CAMK4: variants seen among roughly 807,000 people sequenced by gnomAD.
The protein encoded by CAMK4 is calcium/calmodulin-dependent protein kinase type IV.
Under a neutral mutation model 44.9 loss-of-function variants are expected in CAMK4, and 22 were observed. That is an observed-to-expected ratio of 0.49 (90% CI 0.35 to 0.70). CAMK4 has a LOEUF of 0.70. Ranked by LOEUF, CAMK4 falls within the 30% of genes least tolerant of loss-of-function variation. CAMK4 has a pLI of 0.01. For synonymous variants in CAMK4, 218 were observed against 215.4 expected (o/e 1.01, Z -0.11); for missense variants, 498 against 586.8 (o/e 0.85, Z 1.56).
rs143956669 is a variant in CAMK4 at position 111,229,349 on chromosome 5, C to G, written c.161+4705C>G. 4.1e-3 allele frequency among the ~76,000 whole-genome samples: 617 copies of G among 152,258 alleles called. 2 individuals carry two copies. The highest frequency in any genetic ancestry group is 0.014 in the African/African-American group (597 of 41,548). On this transcript the variant is annotated intron_variant, in intron 1 of 10. Transcript: ENST00000282356. ...AAGAGAGGGGAAGAGAGAAAGAAAC[C>G]AAGCTCTCTGGTGCCTCTTCTTACA...
Position 111,299,794 on chromosome 5 carries a change from T to C in CAMK4, c.162-44230T>C, listed in dbSNP as rs370721753. Among the ~76,000 whole-genome samples the C allele has an allele frequency of 3.9e-5, 6 of 152,218 alleles. No individual in the cohort carries two copies. In the South Asian group the frequency reaches 1.2e-3, roughly 31 times the overall value. ...CAGGAAAATCTGGAGACAAGTGACA[T>C]CTGCAAGTTGATTTCCTCCCATTTC... On this transcript the variant is annotated intron_variant, in intron 1 of 10. Coordinates refer to ENST00000282356, the MANE Select transcript of CAMK4 (RefSeq NM_001744.6).
At chr5:111,315,074 C>T (rs1025456491) in intron 1 of CAMK4, among the ~76,000 whole-genome samples, 1 of 152,064 alleles carries the variant, frequency 6.6e-6, no homozygotes, top group African/African-American at 2.4e-5. Context: ...TGTTACCTTG[C>T]TTATTGCCGA....
intron 4 of CAMK4, among the ~76,000 whole-genome samples, chr5:111,380,236 T>C (rs773187189): frequency 5.9e-5 from 9 of 152,168 alleles, no homozygotes; most frequent in Non-Finnish European, 1.2e-4. Flanking sequence ...TTTTTCTTGA[T>C]TTTTGTCAGA....
At chr5:111,275,651 AAAG>A (rs1157225163) in intron 1 of CAMK4, among the ~76,000 whole-genome samples, 7 of 152,146 alleles carry the variant, frequency 4.6e-5, no homozygotes, top group Non-Finnish European at 5.9e-5. Context: ...TGGAGGATGA[AAAG>A]AAGTTGGTTA....
intron 7 of CAMK4, among the ~76,000 whole-genome samples, chr5:111,456,388 G>A (rs1356254374): frequency 6.6e-6 from 1 of 152,002 alleles, no homozygotes; most frequent in East Asian, 1.9e-4. Flanking sequence ...CTACTCGGGA[G>A]GCTGAGGCAG....
chr5:111,258,006 G>T (rs1044844097), intron 1 of CAMK4, among the ~76,000 whole-genome samples: 1 of 152,162 alleles, frequency 6.6e-6, no homozygotes, highest in African/African-American at 2.4e-5. Context: ...GCCTAGCACG[G>T]GGAGGGTGTC....
chr5:111,243,808 A>G (rs1240608238), intron 1 of CAMK4, among the ~76,000 whole-genome samples: 1 of 152,236 alleles, frequency 6.6e-6, no homozygotes, highest in African/African-American at 2.4e-5. Flanking sequence ...TGTAAAAAAT[A>G]CTGAAGATAT....
At chr5:111,416,621 C>T (rs868135684) in intron 5 of CAMK4, 8 of 152,122 alleles carry the variant, frequency 5.3e-5, no homozygotes, top group African/African-American at 1.9e-4. Context: ...ACCTTGGGAC[C>T]TCTCATTTAT....
chr5:111,337,265 G>T (rs380411), intron 1 of CAMK4, among the ~76,000 whole-genome samples: 139,470 of 151,144 alleles, frequency 0.92, 64,479 homozygotes, highest in East Asian at 1. Context: ...TTGAGGGATA[G>T]TGAAACTGTT....
At chr5:111,309,299 T>A (rs1006234513) in intron 1 of CAMK4, among the ~76,000 whole-genome samples, 1 of 152,152 alleles carries the variant, frequency 6.6e-6, no homozygotes, top group African/African-American at 2.4e-5. Context: ...GGAAAACCTT[T>A]GACCTGGGTC....
chr5:111,368,008 C>T (rs1750859816), intron 2 of CAMK4, among the ~76,000 whole-genome samples: 3 of 152,044 alleles, frequency 2.0e-5, no homozygotes, highest in Non-Finnish European at 4.4e-5. Flanking sequence ...TTGGGTTTCC[C>T]AAGTAAAGCA....
chr5:111,399,872 A>G, intron 5 of CAMK4, among the ~76,000 whole-genome samples: 1 of 152,230 alleles, frequency 6.6e-6, no homozygotes, highest in East Asian at 1.9e-4. Flanking sequence ...GTATGCCTCA[A>G]TATAGTAATA....
At chr5:111,336,741 A>G (rs1051811406) in intron 1 of CAMK4, among the ~76,000 whole-genome samples, 3 of 151,224 alleles carry the variant, frequency 2.0e-5, no homozygotes, top group African/African-American at 7.3e-5. Context: ...TTTGAGTAAC[A>G]TTAATTTTTC....
At chr5:111,470,929 C>T (rs1188945390) in intron 7 of CAMK4, among the ~76,000 whole-genome samples, 1 of 152,162 alleles carries the variant, frequency 6.6e-6, no homozygotes, top group Non-Finnish European at 1.5e-5. Flanking sequence ...TCCAGAAAGT[C>T]AACAGGCAAA....
chr5:111,368,032 C>T (rs762681702), intron 2 of CAMK4, among the ~76,000 whole-genome samples: 6 of 152,082 alleles, frequency 3.9e-5, no homozygotes, highest in Admixed American at 1.3e-4. Context: ...AATGTTGATC[C>T]ATGCCTCATG....
intron 1 of CAMK4, among the ~76,000 whole-genome samples, chr5:111,301,962 C>G (rs1195074287): frequency 6.6e-6 from 1 of 152,144 alleles, no homozygotes; most frequent in Non-Finnish European, 1.5e-5. Context: ...AGTATTTATT[C>G]TGAAGAGCTT....
At chr5:111,398,461 G>A (rs978151418) in intron 5 of CAMK4, among the ~76,000 whole-genome samples, 3 of 152,094 alleles carry the variant, frequency 2.0e-5, no homozygotes, top group African/African-American at 4.8e-5. Flanking sequence ...CTGTTCTGGT[G>A]GTTTTTTTGC....
At chr5:111,242,045 CTT>C (rs1749017622) in intron 1 of CAMK4, among the ~76,000 whole-genome samples, 1 of 152,196 alleles carries the variant, frequency 6.6e-6, no homozygotes, top group Non-Finnish European at 1.5e-5. Context: ...ACGCAGGCAA[CTT>C]TGACACAGGC....
intron 1 of CAMK4, among the ~76,000 whole-genome samples, chr5:111,259,589 C>T (rs1266755709): frequency 6.6e-6 from 1 of 152,120 alleles, no homozygotes; most frequent in Non-Finnish European, 1.5e-5. Context: ...ATTCTTTTAT[C>T]CAGGCAATAA....
Sources: gnomAD v4.1 joint callset for allele counts (sites outside exome capture counted in the v4.1 genomes callset) on GRCh38, gnomAD v4.1.1 for gene constraint, MANE v1.5 for transcripts, NCBI Gene and HGNC (gene_info 2026-07-23, HGNC 2026-07-21) for gene names.